Variants in CYRIB observed in about 807,000 individuals in gnomAD.
CYRIB encodes the protein CYFIP related Rac1 interactor B.
In CYRIB, 8 loss-of-function variants were observed where a neutral mutation model predicts 44.2. That is an observed-to-expected ratio of 0.18 (90% CI 0.11 to 0.33). CYRIB has a LOEUF of 0.33. Among genes scored for constraint, CYRIB ranks in the 10% least tolerant of loss-of-function variants. The probability of loss-of-function intolerance (pLI) is 1.00; values close to 1 mark genes in which losing one functional copy is unlikely to be tolerated. For missense variants in CYRIB, 185 were observed against 382.8 expected, an observed-to-expected ratio of 0.48 and a Z score of 4.31; for synonymous variants, 131 against 127.2, an observed-to-expected ratio of 1.03 and a Z score of -0.20.
chr8:129,844,290 G>A (rs1281288440), intron 11 of CYRIB: 1 of 152,244 alleles, frequency 6.6e-6, no homozygotes, highest in East Asian at 1.9e-4. Context: ...TCTGTGGGAT[G>A]TGATCTTGGC....
chr8:129,951,182 T>C (rs2094481921), intron 2 of CYRIB, among the ~76,000 whole-genome samples: 1 of 152,108 alleles, frequency 6.6e-6, no homozygotes, highest in Admixed American at 6.5e-5. Flanking sequence ...CGGGAGCCTG[T>C]AGTCCCAGTT....
At chr8:129,918,046 G>A (rs2081618454) in intron 1 of CYRIB, among the ~76,000 whole-genome samples, 1 of 152,040 alleles carries the variant, frequency 6.6e-6, no homozygotes. Context: ...GTGTTTACGA[G>A]TGACCACTGG....
intron 2 of CYRIB, among the ~76,000 whole-genome samples, chr8:129,885,769 C>A (rs572654775): frequency 1.2e-3 from 187 of 152,214 alleles, no homozygotes; most frequent in African/African-American, 3.8e-3. Context: ...CTACCTCACT[C>A]AATCTCCTCT....
In CYRIB at chr8:129,863,208, A is replaced by G. The variant is rs112987307; in HGVS notation, c.196-874T>C. 5.3e-3 allele frequency among the ~76,000 whole-genome samples: 807 copies of G among 152,316 alleles called. 2 individuals carry two copies. The highest frequency in any genetic ancestry group is 8.7e-3 in the Non-Finnish European group (591 of 68,028). ...TAAGAAAACTACCTACGACTTAAGA[A>G]CCTAAATCAAGCTGAAACTGTGATT... is the stretch of plus-strand genomic sequence containing the variant. On this transcript the variant is annotated intron_variant, in intron 4 of 11. Coordinates refer to ENST00000519824, the Ensembl canonical transcript of CYRIB.
At chr8:129,996,215 TC>T (rs1207273672) in intron 1 of CYRIB, among the ~76,000 whole-genome samples, 6 of 152,178 alleles carry the variant, frequency 3.9e-5, no homozygotes, top group African/African-American at 1.2e-4. Context: ...GGTTGCCACT[TC>T]CTATGGGAAG....
At chr8:129,883,938 G>T (rs1466928584) in intron 2 of CYRIB, among the ~76,000 whole-genome samples, 1 of 152,182 alleles carries the variant, frequency 6.6e-6, no homozygotes, top group African/African-American at 2.4e-5. Context: ...ACCTAACTAG[G>T]GGCTCTGTTC....
chr8:129,909,220 G>A (rs2076875001), intron 1 of CYRIB, among the ~76,000 whole-genome samples: 1 of 152,066 alleles, frequency 6.6e-6, no homozygotes, highest in Admixed American at 6.5e-5. Flanking sequence ...AGTTGCCTAG[G>A]TAATGCCAGG....
intron 1 of CYRIB, among the ~76,000 whole-genome samples, chr8:129,920,176 A>G (rs1257621067): frequency 6.6e-6 from 1 of 151,906 alleles, no homozygotes; most frequent in Non-Finnish European, 1.5e-5. Flanking sequence ...TTTATCTTTA[A>G]AACATGTAAG....
intron 1 of CYRIB, among the ~76,000 whole-genome samples, chr8:129,909,337 G>GA (rs888787188): frequency 1.9e-4 from 29 of 152,076 alleles, no homozygotes; most frequent in African/African-American, 6.7e-4. Flanking sequence ...AATACATAAA[G>GA]AAAGTGGAAA....
chr8:129,929,477 A>C (rs2089998339), intron 1 of CYRIB, among the ~76,000 whole-genome samples: 1 of 152,216 alleles, frequency 6.6e-6, no homozygotes, highest in African/African-American at 2.4e-5. Flanking sequence ...ATAATCAGTG[A>C]ATTGTGCATT....
chr8:129,864,794 G>A (rs1200395124), intron 4 of CYRIB: 19 of 437,730 alleles, frequency 4.3e-5, no homozygotes, highest in Admixed American at 4.9e-5. Context: ...CTGTGGGGCC[G>A]CGTCCTGAAT....
intron 1 of CYRIB, among the ~76,000 whole-genome samples, chr8:129,935,026 T>C (rs2092538233): frequency 6.6e-6 from 1 of 152,236 alleles, no homozygotes; most frequent in Admixed American, 6.5e-5. Context: ...GCCTTCTCCC[T>C]ATAACTGGTT....
intron 1 of CYRIB, among the ~76,000 whole-genome samples, chr8:129,917,482 G>A (rs1351504372): frequency 6.6e-6 from 1 of 152,112 alleles, no homozygotes; most frequent in Non-Finnish European, 1.5e-5. Context: ...CTTCCCATTA[G>A]TCTATATCTG....
chr8:130,002,186 C>T (rs1005715688), intron 1 of CYRIB, among the ~76,000 whole-genome samples: 2 of 152,208 alleles, frequency 1.3e-5, no homozygotes, highest in Non-Finnish European at 2.9e-5. Flanking sequence ...AGAGGCCAAG[C>T]TCAGTGGCTC....
chr8:129,913,995 ATT>A (rs1270748043), intron 1 of CYRIB, among the ~76,000 whole-genome samples: 1 of 152,138 alleles, frequency 6.6e-6, no homozygotes, highest in Non-Finnish European at 1.5e-5. Context: ...CTTTTCTCCA[ATT>A]TTTTATATCC....
intron 1 of CYRIB, among the ~76,000 whole-genome samples, chr8:129,998,520 C>A (rs1340414137): frequency 2.0e-5 from 3 of 152,224 alleles, no homozygotes; most frequent in African/African-American, 7.2e-5. Context: ...ACCAGTGGGG[C>A]CCAGAAAACA....
chr8:129,872,209 G>A (rs2057542457), intron 3 of CYRIB, among the ~76,000 whole-genome samples: 1 of 152,104 alleles, frequency 6.6e-6, no homozygotes, highest in African/African-American at 2.4e-5. Context: ...TTACTCAGCT[G>A]CTGAAAACTA....
chr8:129,881,409 T>C (rs1006867036), intron 2 of CYRIB, among the ~76,000 whole-genome samples: 1 of 152,190 alleles, frequency 6.6e-6, no homozygotes, highest in African/African-American at 2.4e-5. Context: ...ACAATATTTT[T>C]ATTAAGAAAA....
At chr8:129,963,895 C>T (rs1238129501) in intron 2 of CYRIB, among the ~76,000 whole-genome samples, 1 of 152,214 alleles carries the variant, frequency 6.6e-6, no homozygotes, top group Non-Finnish European at 1.5e-5. Flanking sequence ...AATTTTCATT[C>T]CATCCTTCTT....
Sources: allele counts gnomAD v4.1 joint callset (sites outside exome capture counted in the v4.1 genomes callset), GRCh38; gene constraint gnomAD v4.1.1; transcripts MANE v1.5; gene names NCBI Gene and HGNC (gene_info 2026-07-23, HGNC 2026-07-21).